The following VPS53 variants were observed in gnomAD, a reference collection of about 807,000 sequenced individuals.
The protein encoded by VPS53 is vacuolar protein sorting-associated protein 53 homolog.
Under a neutral mutation model 107.0 loss-of-function variants are expected in VPS53, and 70 were observed. That is an observed-to-expected ratio of 0.65 (90% CI 0.54 to 0.80). The LOEUF is 0.80. VPS53 is among the 30% of genes least tolerant of loss of function. The pLI is 0.00. For missense variants in VPS53, 917 were observed against 1,049.4 expected (o/e 0.87, Z 1.74); for synonymous variants, 409 against 393.3 (o/e 1.04, Z -0.47).
intron 18 of VPS53, 175 bp from the exon 19 acceptor site, chr17:533,086 T>C: frequency 8.2e-7 from 1 of 1,215,778 alleles, no homozygotes; most frequent in Non-Finnish European, 1.1e-6. Flanking sequence ...TGGTTTTGTT[T>C]AGTTACATGA....
intron 11 of VPS53, among the ~76,000 whole-genome samples, chr17:609,206 T>C (rs953687917): frequency 6.6e-6 from 1 of 152,150 alleles, no homozygotes; most frequent in African/African-American, 2.4e-5. Flanking sequence ...TCGGCCTCTA[T>C]GGATTTGCCT....
intron 4 of VPS53, among the ~76,000 whole-genome samples, chr17:681,414 C>T (rs1030644693): frequency 6.6e-6 from 1 of 152,198 alleles, no homozygotes; most frequent in African/African-American, 2.4e-5. Context: ...GGATTCCAGG[C>T]GTGAGCCACT....
intron 11 of VPS53, chr17:616,326 C>T (rs966364112): frequency 5.3e-5 from 8 of 152,254 alleles, no homozygotes; most frequent in African/African-American, 1.9e-4. Context: ...AAAGAAAGAA[C>T]TCATGGTGTT....
At chr17:706,535 CAAA>C (rs1282036208) in intron 2 of VPS53, among the ~76,000 whole-genome samples, 5 of 66,216 alleles carry the variant, frequency 7.6e-5, no homozygotes, top group Admixed American at 1.8e-4. Context: ...GACTCAGTCT[CAAA>C]AAAAAAAAAA....
At position 697,474 on chromosome 17, in the gene VPS53, C is replaced by T. The variant is rs1973016857; in HGVS notation, c.229G>A (p.Asp77Asn). The part of the protein sequence containing the change: ...KIRLKIRRLD[D>N]NIRTVVRGQT... ...CCTCTTACAACAGTTCGAATATTGT[C>T]ATCCAGTCTCCTAGCAAAACAGTTC... Residue 77 changes from aspartate to asparagine, a missense_variant, in exon 4 of 22, where the codon GAC becomes AAC. Coordinates refer to ENST00000437048, the MANE Select transcript of VPS53 (RefSeq NM_001128159.3). 1 of 1,613,640 alleles carries T rather than the reference C, an allele frequency of 6.2e-7. No homozygotes were observed. Among genetic ancestry groups the T allele is most frequent in the Non-Finnish European group, 8.5e-7 (1 of 1,179,542 alleles).
In VPS53 at chr17:710,601, G is replaced by A. The variant is rs764232827; in HGVS notation, c.100C>T (p.Gln34Ter). The A allele has an allele frequency of 5.0e-6, 8 of 1,613,430 alleles. No individual in the cohort carries two copies. The highest frequency in any genetic ancestry group is 6.8e-6 in the Non-Finnish European group (8 of 1,179,496). The change falls in exon 2 of 22, where the codon CAG becomes TAG. Residue 34 changes from glutamine (Q) to a stop codon, truncating the protein, a stop_gained. Coordinates refer to ENST00000437048, the MANE Select transcript of VPS53 (RefSeq NM_001128159.3). LOFTEE classifies it high-confidence loss of function. ...QLAIEQVFPS[Q>*]DPLDRADFNA... ...AAATCTGCTCGATCTAGAGGGTCCTGGCTTGGAAACACCTATATAGAAAGA... is the reference window on the plus strand; with the variant it reads ...AAATCTGCTCGATCTAGAGGGTCCTAGCTTGGAAACACCTATATAGAAAGA...
In VPS53 at chr17:517,578, G is replaced by A. The variant is rs1318765058; in HGVS notation, c.*1550C>T. 2.5e-6 allele frequency: 1 copy of A among 395,402 alleles called. No homozygotes were observed. The highest frequency in any genetic ancestry group is 4.5e-6 in the Non-Finnish European group (1 of 224,192). 24.5% of individuals were successfully genotyped at this position (395,402 alleles called of 1,614,324 possible). On this transcript the variant is annotated 3_prime_UTR_variant, in exon 22 of 22. Coordinates refer to ENST00000437048, the MANE Select transcript of VPS53 (RefSeq NM_001128159.3). ...TCTGTCACCCAGGCTGGAGTGCAGT[G>A]GTGAAATCTTGGCTCACTGCAGCCT...
At chr17:583,509 C>T (rs1011219167) in intron 13 of VPS53, among the ~76,000 whole-genome samples, 27 of 151,334 alleles carry the variant, frequency 1.8e-4, no homozygotes, top group African/African-American at 5.6e-4. Flanking sequence ...TCCCTCAGAA[C>T]TTCAATACAT....
At chr17:676,066 CA>C (rs67200992) in intron 4 of VPS53, 14,991 of 152,148 alleles carry the variant, frequency 0.099, 820 homozygotes, top group East Asian at 0.21. Context: ...CAAGCCAAAA[CA>C]GATGTATTAT....
At chr17:623,929 GTTTGTTTA>G (rs1326791058) in intron 10 of VPS53, among the ~76,000 whole-genome samples, 1 of 146,246 alleles carries the variant, frequency 6.8e-6, no homozygotes, top group African/African-American at 2.8e-5. Context: ...ATATTTATTT[GTTTGTTTA>G]TTTATTTATT....
intron 17 of VPS53, 88 bp downstream of exon 17, chr17:551,784 A>T: frequency 1.7e-6 from 2 of 1,189,720 alleles, no homozygotes; most frequent in African/African-American, 1.5e-5. Context: ...CGCTCCGATG[A>T]GCCTGGAGAA....
chr17:513,771 T>C lies in VPS53; in HGVS notation c.*5357A>G, dbSNP rs906435141. 4.5e-5 allele frequency: 6 copies of C among 134,464 alleles called. No homozygotes were observed. Among genetic ancestry groups the C allele is most frequent in the African/African-American group, 1.6e-4 (6 of 36,708 alleles). The allele number at this position is 134,464 out of a possible 1,614,324, so 8.3% of individuals were successfully genotyped here. On this transcript the variant is annotated 3_prime_UTR_variant, in exon 22 of 22. Transcript: ENST00000437048. The stretch of plus-strand genomic sequence containing the variant: ...TGCTCTTCCTAGGGAAGGAATCCCA[T>C]TTCCAGCAGGTTATTCCGAGTGCTC...
intron 5 of VPS53, chr17:657,183 TTTTGTGCCCA>T (rs909694277): frequency 2.6e-6 from 4 of 1,527,820 alleles, no homozygotes; most frequent in African/African-American, 1.4e-5. Context: ...GAGGGATTCC[TTTTGTGCCCA>T]CAAAGATTTT....
At position 544,023 on chromosome 17, in the gene VPS53, C is replaced by CAGGGAGGG. The variant is rs1442072386; in HGVS notation, c.1867-6855_1867-6848dup. On this transcript the variant is annotated intron_variant, in intron 17 of 21. Coordinates refer to ENST00000437048, the MANE Select transcript of VPS53 (RefSeq NM_001128159.3). ...GGAGGGAGGGAGGGAGTGAGGAAGGCAGGGAGGGAGGGAGGGAGGAAGGGA... is the reference window on the plus strand; with the variant it reads ...GGAGGGAGGGAGGGAGTGAGGAAGGCAGGGAGGGAGGGAGGGAGGGAGGGAGGAAGGGA... Among the ~76,000 whole-genome samples, 4 of 47,180 alleles carry CAGGGAGGG rather than the reference C, an allele frequency of 8.5e-5. No homozygotes were observed. The South Asian group carries it at 2.7e-3, about 32-fold the overall frequency. 31.0% of individuals were successfully genotyped at this position (47,180 alleles called of 152,430 possible). A position where few individuals can be genotyped will look rare whatever the true frequency, so the allele number is the denominator to read the frequency against.
At chr17:655,724 A>AAG in intron 6 of VPS53, 114 bp downstream of exon 6, 1 of 970,002 alleles carries the variant, frequency 1.0e-6, no homozygotes, top group East Asian at 2.7e-5. Context: ...AATTTGCAGA[A>AAG]AGTGGGGCAG....
At position 593,963 on chromosome 17, in the gene VPS53, G is replaced by A. The variant is rs530770352; in HGVS notation, c.1219-7599C>T. ...AGAAAATGTGGCACATATACACCAT[G>A]GAATACTACACAGCCATAAAAAATG... is the stretch of plus-strand genomic sequence containing the variant. On this transcript the variant is annotated intron_variant, in intron 12 of 21. Coordinates refer to ENST00000437048, the MANE Select transcript of VPS53 (RefSeq NM_001128159.3). 3.9e-5 allele frequency among the ~76,000 whole-genome samples: 6 copies of A among 152,318 alleles called. No individual in the cohort carries two copies. The South Asian group carries it at 1.2e-3, about 32-fold the overall frequency.
At chr17:660,977 G>A (rs531355139) in intron 5 of VPS53, among the ~76,000 whole-genome samples, 214 of 152,222 alleles carry the variant, frequency 1.4e-3, no homozygotes, top group African/African-American at 4.8e-3. Context: ...TTCGGGGCAA[G>A]CTTCTGAGCA....
chr17:548,469 C>A (rs988991992), intron 17 of VPS53, among the ~76,000 whole-genome samples: 2 of 148,076 alleles, frequency 1.4e-5, no homozygotes, highest in African/African-American at 2.5e-5. Context: ...GGCCAGCCAA[C>A]AGTCCTTCTG....
intron 17 of VPS53, among the ~76,000 whole-genome samples, chr17:543,396 G>A (rs899477638): frequency 6.6e-6 from 1 of 152,098 alleles, no homozygotes; most frequent in Non-Finnish European, 1.5e-5. Context: ...TGTGCCAGAC[G>A]GTAAGAAAAT....
Sources: allele counts gnomAD v4.1 joint callset (sites outside exome capture counted in the v4.1 genomes callset), GRCh38; gene constraint gnomAD v4.1.1; transcripts MANE v1.5; gene names NCBI Gene and HGNC (gene_info 2026-07-23, HGNC 2026-07-21).